Variants in VPS8 observed in about 807,000 individuals in gnomAD.
VPS8 encodes vacuolar protein sorting-associated protein 8 homolog.
A neutral mutation model predicts 216.4 loss-of-function variants in VPS8; 129 were observed. The observed-to-expected ratio is 0.60, with a 90% CI of 0.52 to 0.69. The LOEUF (loss-of-function observed/expected upper bound fraction) is 0.69, where lower values mean the gene tolerates loss of function less well. Among genes scored for constraint, VPS8 ranks in the 30% least tolerant of loss-of-function variants. VPS8 has a pLI of 0.00. For missense variants in VPS8, 1,531 were observed against 1,683.5 expected, an observed-to-expected ratio of 0.91 and a Z score of 1.59; for synonymous variants, 571 against 565.4, an observed-to-expected ratio of 1.01 and a Z score of -0.14.
intron 47 of VPS8, among the ~76,000 whole-genome samples, chr3:185,051,194 C>T (rs538383723): frequency 6.6e-6 from 1 of 152,324 alleles, no homozygotes; most frequent in African/African-American, 2.4e-5. Flanking sequence ...ATTAGCATCT[C>T]CTCCTACCCT....
At chr3:184,998,360 A>G (rs1222738865) in intron 44 of VPS8, among the ~76,000 whole-genome samples, 1 of 151,958 alleles carries the variant, frequency 6.6e-6, no homozygotes, top group East Asian at 1.9e-4. Flanking sequence ...GTCATGAAGT[A>G]AGAAGTGGTA....
intron 46 of VPS8, among the ~76,000 whole-genome samples, chr3:185,044,093 GA>G (rs1712306087): frequency 6.6e-6 from 1 of 152,218 alleles, no homozygotes; most frequent in Non-Finnish European, 1.5e-5. Context: ...GGGAGGCTGA[GA>G]CAGGAGAATC....
chr3:184,848,386 T>G (rs1325275938), intron 8 of VPS8, among the ~76,000 whole-genome samples: 1 of 152,174 alleles, frequency 6.6e-6, no homozygotes, highest in African/African-American at 2.4e-5. Flanking sequence ...TTTATAGTTA[T>G]TTTAAAAGAC....
intron 36 of VPS8, among the ~76,000 whole-genome samples, chr3:184,954,408 A>C (rs192629939): frequency 3.9e-5 from 6 of 152,270 alleles, no homozygotes; most frequent in African/African-American, 1.4e-4. Flanking sequence ...GGTGGGACTG[A>C]AAGTTCCAGC....
intron 3 of VPS8, among the ~76,000 whole-genome samples, chr3:184,829,324 G>A (rs1306046944): frequency 1.3e-5 from 2 of 151,970 alleles, no homozygotes; most frequent in African/African-American, 4.8e-5. Context: ...AGTGATTCTC[G>A]TGCCTCAGCC....
chr3:184,983,322 G>A (rs1429921389), intron 42 of VPS8, among the ~76,000 whole-genome samples: 1 of 152,066 alleles, frequency 6.6e-6, no homozygotes, highest in Non-Finnish European at 1.5e-5. Context: ...CTTCAGTTAG[G>A]GCGTGCGGCC....
intron 34 of VPS8, 105 bp downstream of exon 34, chr3:184,930,673 AT>A: frequency 1.3e-6 from 1 of 773,332 alleles, no homozygotes; most frequent in Non-Finnish European, 2.2e-6. Context: ...AGTTGATTTA[AT>A]TTAGGGTTGA....
At chr3:184,852,839 T>G (rs1724573102) in intron 11 of VPS8, among the ~76,000 whole-genome samples, 1 of 152,154 alleles carries the variant, frequency 6.6e-6, no homozygotes. Context: ...ACCACTCTTC[T>G]GGAATAGCTC....
At chr3:184,830,465 C>T (rs1719750019) in intron 3 of VPS8, among the ~76,000 whole-genome samples, 1 of 151,992 alleles carries the variant, frequency 6.6e-6, no homozygotes, top group Non-Finnish European at 1.5e-5. Context: ...CACACACACA[C>T]ACACACACAC....
At chr3:184,923,508 T>C (rs999932388) in intron 29 of VPS8, among the ~76,000 whole-genome samples, 4 of 152,204 alleles carry the variant, frequency 2.6e-5, no homozygotes, top group African/African-American at 9.7e-5. Context: ...CTTCTGTTTC[T>C]TTCTTCTGTT....
chr3:184,837,164 C>T (rs1162550764), intron 5 of VPS8, among the ~76,000 whole-genome samples: 1 of 152,138 alleles, frequency 6.6e-6, no homozygotes, highest in East Asian at 1.9e-4. Flanking sequence ...GATATTGCAA[C>T]ACCAGTACTA....
chr3:185,004,854 C>G (rs1174103452), intron 45 of VPS8, among the ~76,000 whole-genome samples: 1 of 151,864 alleles, frequency 6.6e-6, no homozygotes, highest in African/African-American at 2.4e-5. Flanking sequence ...TGTGCAGAAC[C>G]TTTTTAGTTT....
chr3:185,018,745 A>G (rs1165362985), intron 45 of VPS8, among the ~76,000 whole-genome samples: 1 of 152,208 alleles, frequency 6.6e-6, no homozygotes, highest in East Asian at 1.9e-4. Flanking sequence ...AAATGTAGCT[A>G]TAATATTTCC....
chr3:184,903,774 T>A (rs1229168491), intron 25 of VPS8, among the ~76,000 whole-genome samples: 1 of 152,192 alleles, frequency 6.6e-6, no homozygotes, highest in African/African-American at 2.4e-5. Context: ...TCACTTTGCT[T>A]TCCCCTTTTC....
chr3:184,899,461 G>A (rs145665989), intron 24 of VPS8, among the ~76,000 whole-genome samples: 26 of 152,318 alleles, frequency 1.7e-4, no homozygotes, highest in Admixed American at 3.3e-4. Flanking sequence ...TTGGTAGGGC[G>A]AGTACCCCTC....
At chr3:184,998,931 G>T (rs1451931844) in intron 44 of VPS8, among the ~76,000 whole-genome samples, 3 of 151,872 alleles carry the variant, frequency 2.0e-5, no homozygotes, top group African/African-American at 4.8e-5. Flanking sequence ...TCCTAGGCTG[G>T]AGTGCAGTGG....
At chr3:184,879,755 CTT>C (rs1036904386) in intron 21 of VPS8, among the ~76,000 whole-genome samples, 4 of 152,240 alleles carry the variant, frequency 2.6e-5, no homozygotes, top group African/African-American at 7.2e-5. Flanking sequence ...GAAGTTGAGT[CTT>C]TGTGTAGCCC....
intron 25 of VPS8, among the ~76,000 whole-genome samples, chr3:184,908,398 C>T (rs1055517322): frequency 1.3e-5 from 2 of 152,186 alleles, no homozygotes; most frequent in Non-Finnish European, 2.9e-5. Context: ...GTGTGGGATC[C>T]GGCTGGCCAC....
At chr3:184,865,573 C>A in intron 16 of VPS8, among the ~76,000 whole-genome samples, 1 of 151,816 alleles carries the variant, frequency 6.6e-6, no homozygotes. Flanking sequence ...GGAAGGCTAT[C>A]ATAAAAAAAA....
Sources: allele counts gnomAD v4.1 joint callset (sites outside exome capture counted in the v4.1 genomes callset), GRCh38; gene constraint gnomAD v4.1.1; transcripts MANE v1.5; gene names NCBI Gene and HGNC (gene_info 2026-07-23, HGNC 2026-07-21).